The following NSD3 variants were observed in gnomAD, a reference collection of about 807,000 sequenced individuals.
NSD3 encodes histone-lysine N-methyltransferase NSD3.
Under a neutral mutation model 160.8 loss-of-function variants are expected in NSD3, and 24 were observed. That is an observed-to-expected ratio of 0.15 (90% CI 0.11 to 0.21). The LOEUF is 0.21. Among genes scored for constraint, NSD3 ranks in the 10% least tolerant of loss-of-function variants. NSD3 has a pLI of 1.00. For synonymous variants in NSD3, 520 were observed against 600.0 expected, an observed-to-expected ratio of 0.87 and a Z score of 1.95; for missense variants, 1,157 against 1,735.9, an observed-to-expected ratio of 0.67 and a Z score of 5.93.
chr8:38,275,548 CA>C lies in NSD3; in HGVS notation c.*92del. On this transcript the variant is annotated 3_prime_UTR_variant, in exon 24 of 24. Transcript: ENST00000317025. ...TGCTTTAATAAGGCAGTTCCGATGGCAAAGGCTGTATGCACTGTAGCAGTCT... is the reference window on the plus strand; with the variant it reads ...TGCTTTAATAAGGCAGTTCCGATGGCAAGGCTGTATGCACTGTAGCAGTCT... 1 of 1,268,210 alleles carries C rather than the reference CA, an allele frequency of 7.9e-7. No homozygotes were observed. Among genetic ancestry groups the C allele is most frequent in the South Asian group, 1.6e-5 (1 of 64,022 alleles). The allele number at this position is 1,268,210 out of a possible 1,614,324, so 78.6% of individuals were successfully genotyped here.
chr8:38,287,374 G>A (rs1400927795), intron 19 of NSD3, among the ~76,000 whole-genome samples: 1 of 152,110 alleles, frequency 6.6e-6, no homozygotes, highest in Non-Finnish European at 1.5e-5. Flanking sequence ...TGCCACAAAT[G>A]TATTTATGCT....
intron 1 of NSD3, among the ~76,000 whole-genome samples, chr8:38,355,891 A>C (rs1810811856): frequency 6.6e-6 from 1 of 152,244 alleles, no homozygotes; most frequent in Non-Finnish European, 1.5e-5. Context: ...TGAAAAATCA[A>C]GGCCAGTATG....
Position 38,293,357 on chromosome 8 carries a change from C to A in NSD3, c.2915+2439G>T, listed in dbSNP as rs144691922. ...AGGAAGTCAAGAGATTGAGACCATC[C>A]GGGCCAACATGGTGAAACCCCGTCT... is the stretch of plus-strand genomic sequence containing the variant. On this transcript the variant is annotated intron_variant, in intron 16 of 23. Transcript: ENST00000317025. Among the ~76,000 whole-genome samples, 408 of 151,492 alleles carry A rather than the reference C, an allele frequency of 2.7e-3. 2 individuals carry two copies. The highest frequency in any genetic ancestry group is 9.5e-3 in the African/African-American group (393 of 41,298).
Position 38,279,897 on chromosome 8 carries a change from T to C in NSD3, c.3619-216A>G, listed in dbSNP as rs1306746151. 29 of 500,720 alleles carry C rather than the reference T, an allele frequency of 5.8e-5. No homozygotes were observed. In the East Asian group the frequency reaches 8.2e-4, roughly 14 times the overall value. 31.0% of individuals were successfully genotyped at this position (500,720 alleles called of 1,614,324 possible). A position where few individuals can be genotyped will look rare whatever the true frequency, so the allele number is the denominator to read the frequency against. ...GTAATTAGGATAAAGTGGGATTTAG[T>C]TGCTTTTTAAGTTTGCTTCTAGAAA... On this transcript the variant is annotated intron_variant, in intron 20 of 23. Coordinates refer to ENST00000317025, the MANE Select transcript of NSD3 (RefSeq NM_023034.2).
chr8:38,278,184 C>T (rs536829660), intron 22 of NSD3, 122 bp downstream of exon 22: 30 of 666,416 alleles, frequency 4.5e-5, no homozygotes, highest in Non-Finnish European at 5.8e-5. Context: ...GTGATCTGCC[C>T]GCCTTGGCCT....
intron 19 of NSD3, among the ~76,000 whole-genome samples, chr8:38,287,430 A>G (rs1247373338): frequency 6.6e-6 from 1 of 152,126 alleles, no homozygotes; most frequent in Non-Finnish European, 1.5e-5. Flanking sequence ...ATGTTTAGAA[A>G]ACCCTTAAAA....
At chr8:38,335,593 C>T (rs1259414809) in intron 4 of NSD3, among the ~76,000 whole-genome samples, 1 of 152,112 alleles carries the variant, frequency 6.6e-6, no homozygotes, top group East Asian at 1.9e-4. Flanking sequence ...TTTTCCCACT[C>T]ATATAACCAT....
chr8:38,353,710 C>T (rs1810755319), intron 1 of NSD3, among the ~76,000 whole-genome samples: 1 of 152,148 alleles, frequency 6.6e-6, no homozygotes, highest in African/African-American at 2.4e-5. Flanking sequence ...AACACATATA[C>T]ATTTGTATCA....
At chr8:38,286,896 C>G (rs34043510) in intron 19 of NSD3, among the ~76,000 whole-genome samples, 4 of 152,228 alleles carry the variant, frequency 2.6e-5, no homozygotes, top group Non-Finnish European at 5.9e-5. Context: ...TCAGGTCTCC[C>G]TGAGCCAATC....
chr8:38,348,163 G>A lies in NSD3; in HGVS notation c.9C>T (p.Phe3=). 6.3e-7 allele frequency: 1 copy of A among 1,586,060 alleles called. No individual in the cohort carries two copies. The highest frequency in any genetic ancestry group is 1.2e-5 in the South Asian group (1 of 86,124). The change falls in exon 2 of 24, where the codon TTC becomes TTT. Residue 3 remains phenylalanine (F), a synonymous_variant. Coordinates refer to ENST00000317025, the MANE Select transcript of NSD3 (RefSeq NM_023034.2). ...TGATCCCTTGCATGAAAGAGAAAGA[G>A]AAATCCATTGTTCTGCTCCAGCATC... MD[F]SFSFMQGIMG... is the part of the protein sequence containing the mutation.
chr8:38,365,914 GT>G (rs1414915453), intron 1 of NSD3, among the ~76,000 whole-genome samples: 2 of 151,924 alleles, frequency 1.3e-5, no homozygotes, highest in African/African-American at 4.8e-5. Context: ...TTAAATTACG[GT>G]TTACTCAAGT....
chr8:38,354,712 TTTAA>T, intron 1 of NSD3, among the ~76,000 whole-genome samples: 1 of 152,264 alleles, frequency 6.6e-6, no homozygotes, highest in South Asian at 2.1e-4. Context: ...TTTGAAAATT[TTTAA>T]ACTGAAAAGT....
intron 16 of NSD3, among the ~76,000 whole-genome samples, chr8:38,292,565 G>A (rs1312695765): frequency 1.3e-5 from 2 of 151,916 alleles, no homozygotes; most frequent in South Asian, 2.1e-4. Flanking sequence ...GGTGTATCAC[G>A]AGGTCAGGAG....
intron 8 of NSD3, 82 bp downstream of exon 8, chr8:38,320,990 T>C: frequency 3.7e-6 from 5 of 1,350,562 alleles, no homozygotes; most frequent in South Asian, 3.6e-5. Flanking sequence ...TGGGGGAAAG[T>C]TTCTCTTTCT....
At chr8:38,294,940 G>A (rs929866440) in intron 16 of NSD3, among the ~76,000 whole-genome samples, 28 of 151,144 alleles carry the variant, frequency 1.9e-4, no homozygotes, top group Non-Finnish European at 3.8e-4. Flanking sequence ...TCAGGAGATC[G>A]AGACCATCCT....
intron 6 of NSD3, among the ~76,000 whole-genome samples, chr8:38,328,213 T>A (rs964733133): frequency 6.6e-6 from 1 of 152,136 alleles, no homozygotes; most frequent in African/African-American, 2.4e-5. Context: ...AATATAAATA[T>A]ATACATGCAT....
rs1808551985 is a variant in NSD3 at position 38,274,443 on chromosome 8, C to T, written c.*1198G>A. The stretch of plus-strand genomic sequence containing the variant: ...GCACCCTGTAAAAGTAGAAGTTCTT[C>T]CCCTTACTCAATGGGAGCAATCTTA... On this transcript the variant is annotated 3_prime_UTR_variant, in exon 24 of 24. Transcript: ENST00000317025. 1 of 152,134 alleles carries T rather than the reference C, an allele frequency of 6.6e-6. No individual in the cohort carries two copies. The highest frequency in any genetic ancestry group is 2.1e-4 in the South Asian group (1 of 4,818). The allele number at this position is 152,134 out of a possible 1,614,324, so 9.4% of individuals were successfully genotyped here.
chr8:38,338,747 AG>A (rs1320767482), intron 2 of NSD3, 140 bp from the exon 3 acceptor site: 3 of 677,562 alleles, frequency 4.4e-6, no homozygotes, highest in Non-Finnish European at 7.7e-6. Flanking sequence ...CAATGTAAGG[AG>A]TAAGAATACA....
intron 19 of NSD3, among the ~76,000 whole-genome samples, chr8:38,284,155 A>C (rs774719849): frequency 6.6e-6 from 1 of 152,178 alleles, no homozygotes; most frequent in African/African-American, 2.4e-5. Context: ...ATAAACAGTT[A>C]ATTTCCTTCA....
Sources: gnomAD v4.1 joint callset for allele counts (sites outside exome capture counted in the v4.1 genomes callset) on GRCh38, gnomAD v4.1.1 for gene constraint, MANE v1.5 for transcripts, NCBI Gene and HGNC (gene_info 2026-07-23, HGNC 2026-07-21) for gene names.